The following CA10 variants were observed in gnomAD, a reference collection of about 807,000 sequenced individuals.
The protein encoded by CA10 is carbonic anhydrase-related protein 10.
CA10 carries 14 observed loss-of-function variants against 44.2 expected under a neutral mutation model. The ratio of observed to expected loss-of-function variants is 0.32; its 90% CI spans 0.21 to 0.50. CA10 has a LOEUF of 0.50. CA10 is among the 20% of genes least tolerant of loss of function. The pLI, the probability that CA10 is intolerant of heterozygous loss-of-function variation, is 0.99. For synonymous variants in CA10, 159 were observed against 141.6 expected, an observed-to-expected ratio of 1.12 and a Z score of -0.87; for missense variants, 350 against 409.7, an observed-to-expected ratio of 0.85 and a Z score of 1.26.
At chr17:52,119,295 T>G (rs1988962751) in intron 1 of CA10, among the ~76,000 whole-genome samples, 1 of 147,652 alleles carries the variant, frequency 6.8e-6, no homozygotes, top group Admixed American at 6.9e-5. Flanking sequence ...AGAATCCATT[T>G]TCTTTTGCAA....
At chr17:51,661,609 T>C (rs1376887093) in intron 4 of CA10, 1 of 152,230 alleles carries the variant, frequency 6.6e-6, no homozygotes, top group East Asian at 1.9e-4. Flanking sequence ...TTATGCAATA[T>C]TTATTATGCA....
In CA10 at chr17:51,749,302, C is replaced by A. The variant is rs533279017; in HGVS notation, c.280-1484G>T. Among the ~76,000 whole-genome samples, 4 of 152,360 alleles carry A rather than the reference C, an allele frequency of 2.6e-5. No homozygotes were observed. In the East Asian group the frequency reaches 5.8e-4, roughly 22 times the overall value. On this transcript the variant is annotated intron_variant, in intron 3 of 8. Transcript: ENST00000451037. ...TGGCCTTGTCACTTACTTTGGCCAA[C>A]AGCATGTGCTGCACACAACATGCTA...
chr17:52,054,653 C>T (rs529169975), intron 2 of CA10, among the ~76,000 whole-genome samples: 2 of 152,114 alleles, frequency 1.3e-5, no homozygotes, highest in Admixed American at 1.3e-4. Flanking sequence ...ATGTCTCCCC[C>T]AGACACCCAG....
chr17:51,652,633 A>C (rs1264825390), intron 5 of CA10, among the ~76,000 whole-genome samples: 1 of 152,204 alleles, frequency 6.6e-6, no homozygotes, highest in Non-Finnish European at 1.5e-5. Context: ...ATGGATGACC[A>C]GGGAGGGTGA....
intron 4 of CA10, among the ~76,000 whole-genome samples, chr17:51,731,150 G>GGGTA (rs1173022211): frequency 6.6e-6 from 1 of 152,148 alleles, no homozygotes; most frequent in Non-Finnish European, 1.5e-5. Context: ...AGGCCAAGGT[G>GGGTA]GGTAGATCAT....
intron 3 of CA10, among the ~76,000 whole-genome samples, chr17:51,771,040 C>T (rs1454806236): frequency 1.4e-5 from 2 of 143,724 alleles, no homozygotes; most frequent in East Asian, 4.3e-4. Context: ...AGGAGAATCG[C>T]TTGAACCCAG....
At chr17:51,701,488 AT>A (rs375022385) in intron 4 of CA10, among the ~76,000 whole-genome samples, 2,156 of 134,980 alleles carry the variant, frequency 0.016, 47 homozygotes, top group African/African-American at 0.081. Flanking sequence ...TTATTTATTT[AT>A]TTTTTTTATG....
At chr17:51,805,103 A>C (rs1440015931) in intron 3 of CA10, among the ~76,000 whole-genome samples, 1 of 152,126 alleles carries the variant, frequency 6.6e-6, no homozygotes, top group East Asian at 1.9e-4. Context: ...CCCTTTCAGC[A>C]CTGTCTGCAT....
At chr17:51,710,169 C>T (rs754679550) in intron 4 of CA10, among the ~76,000 whole-genome samples, 8 of 152,060 alleles carry the variant, frequency 5.3e-5, no homozygotes, top group Admixed American at 2.6e-4. Context: ...GTTTAGCAGC[C>T]GACGTTTTCT....
intron 2 of CA10, among the ~76,000 whole-genome samples, chr17:52,032,435 T>A (rs1986495908): frequency 6.6e-6 from 1 of 152,154 alleles, no homozygotes. Flanking sequence ...TGACTTAATC[T>A]AATTATCTCA....
intron 5 of CA10, among the ~76,000 whole-genome samples, chr17:51,651,559 A>C (rs1330022233): frequency 6.6e-6 from 1 of 152,200 alleles, no homozygotes; most frequent in Admixed American, 6.5e-5. Flanking sequence ...CTACAGCCTA[A>C]GTTTCTTTCA....
At chr17:51,777,014 C>A (rs1452494843) in intron 3 of CA10, among the ~76,000 whole-genome samples, 1 of 152,028 alleles carries the variant, frequency 6.6e-6, no homozygotes, top group Non-Finnish European at 1.5e-5. Context: ...AAATAAAACC[C>A]AAAGGGAATA....
At chr17:51,677,888 C>CG (rs1567799841) in intron 4 of CA10, among the ~76,000 whole-genome samples, 16 of 35,464 alleles carry the variant, frequency 4.5e-4, no homozygotes, top group Non-Finnish European at 2.3e-4. Context: ...GGTATACACC[C>CG]CCCCCCCCAC....
intron 3 of CA10, among the ~76,000 whole-genome samples, chr17:51,812,483 C>T (rs1907409948): frequency 6.6e-6 from 1 of 152,172 alleles, no homozygotes; most frequent in Non-Finnish European, 1.5e-5. Flanking sequence ...AAGGCTTCTG[C>T]TGTGCTTTCT....
intron 3 of CA10, among the ~76,000 whole-genome samples, chr17:51,831,403 A>T (rs1344485314): frequency 2.6e-5 from 4 of 152,190 alleles, no homozygotes; most frequent in South Asian, 2.1e-4. Flanking sequence ...TTGTCATGTG[A>T]CAAGAAGTAT....
At chr17:51,684,344 G>A (rs997462169) in intron 4 of CA10, among the ~76,000 whole-genome samples, 1 of 152,232 alleles carries the variant, frequency 6.6e-6, no homozygotes, top group African/African-American at 2.4e-5. Context: ...TAATAAATGT[G>A]TGTGGTTTTG....
chr17:52,018,876 G>A (rs1291393294), intron 2 of CA10, among the ~76,000 whole-genome samples: 1 of 152,040 alleles, frequency 6.6e-6, no homozygotes, highest in South Asian at 2.1e-4. Flanking sequence ...GGGTCACGGG[G>A]GTAGATCCCT....
chr17:52,021,791 C>T (rs1052039213), intron 2 of CA10, among the ~76,000 whole-genome samples: 1 of 151,942 alleles, frequency 6.6e-6, no homozygotes, highest in Non-Finnish European at 1.5e-5. Context: ...TGCACACAAA[C>T]AGAAAATCTA....
At chr17:52,134,785 C>G (rs930380205) in intron 1 of CA10, 3 of 495,754 alleles carry the variant, frequency 6.1e-6, no homozygotes, top group Admixed American at 4.0e-5. Context: ...TTATGCATGA[C>G]AGCTGCCTCT....
Sources: gnomAD v4.1 joint callset for allele counts (sites outside exome capture counted in the v4.1 genomes callset) on GRCh38, gnomAD v4.1.1 for gene constraint, MANE v1.5 for transcripts, NCBI Gene and HGNC (gene_info 2026-07-23, HGNC 2026-07-21) for gene names.